The following NYAP2 variants were observed in gnomAD, a reference collection of about 807,000 sequenced individuals.
NYAP2 encodes neuronal tyrosine-phosphorylated phosphoinositide-3-kinase adapter 2.
NYAP2 carries 23 observed loss-of-function variants against 50.4 expected under a neutral mutation model. The observed-to-expected ratio is 0.46, with a 90% CI of 0.33 to 0.65. The LOEUF (loss-of-function observed/expected upper bound fraction) is 0.65, where lower values mean the gene tolerates loss of function less well. Ranked by LOEUF, NYAP2 falls within the 30% of genes least tolerant of loss-of-function variation. NYAP2 has a pLI of 0.02. For missense variants in NYAP2, 885 were observed against 861.0 expected (o/e 1.03, Z -0.35); for synonymous variants, 394 against 365.2 (o/e 1.08, Z -0.90).
At chr2:225,456,984 G>A (rs1328508722) in intron 3 of NYAP2, among the ~76,000 whole-genome samples, 1 of 152,166 alleles carries the variant, frequency 6.6e-6, no homozygotes, top group Non-Finnish European at 1.5e-5. Flanking sequence ...CTTGTTGTTA[G>A]AAGAAAAGTG....
chr2:225,431,960 T>G (rs1217022386), intron 3 of NYAP2, among the ~76,000 whole-genome samples: 6 of 150,388 alleles, frequency 4.0e-5, no homozygotes, highest in South Asian at 2.1e-4. Flanking sequence ...AATGATAGGG[T>G]TTTTTTTGTT....
At chr2:225,548,209 T>A (rs968711567) in intron 4 of NYAP2, among the ~76,000 whole-genome samples, 141 of 151,616 alleles carry the variant, frequency 9.3e-4, no homozygotes, top group African/African-American at 3.1e-3. Flanking sequence ...TTAACATTAT[T>A]TGTGACATTT....
intron 5 of NYAP2, among the ~76,000 whole-genome samples, chr2:225,583,631 C>G (rs1043067629): frequency 7.3e-5 from 11 of 151,346 alleles, no homozygotes; most frequent in African/African-American, 2.2e-4. Flanking sequence ...AAAACAGAGA[C>G]CACTATGGAA....
chr2:225,595,869 G>A (rs1559225238), intron 5 of NYAP2, among the ~76,000 whole-genome samples: 1 of 152,048 alleles, frequency 6.6e-6, no homozygotes, highest in African/African-American at 2.4e-5. Flanking sequence ...CCTCATTCCA[G>A]CCTTAATTTC....
intron 6 of NYAP2, among the ~76,000 whole-genome samples, chr2:225,651,074 C>T (rs183676174): frequency 1.2e-4 from 18 of 152,338 alleles, no homozygotes; most frequent in African/African-American, 2.9e-4. Context: ...AGAAATCCTA[C>T]GGATCAAAGC....
chr2:225,554,079 C>T (rs374723316), intron 4 of NYAP2, among the ~76,000 whole-genome samples: 59 of 152,192 alleles, frequency 3.9e-4, no homozygotes, highest in East Asian at 3.9e-3. Flanking sequence ...TTAGTTAACC[C>T]ATAATGATTT....
chr2:225,595,874 A>G (rs1430940535), intron 5 of NYAP2, among the ~76,000 whole-genome samples: 1 of 152,032 alleles, frequency 6.6e-6, no homozygotes, highest in Non-Finnish European at 1.5e-5. Context: ...TTCCAGCCTT[A>G]ATTTCCCACA....
chr2:225,651,298 A>G, intron 6 of NYAP2, 134 bp from the exon 7 acceptor site: 1 of 1,181,804 alleles, frequency 8.5e-7, no homozygotes, highest in Non-Finnish European at 1.2e-6. Flanking sequence ...ATCACCTGCT[A>G]CTTATTAGCA....
intron 4 of NYAP2, among the ~76,000 whole-genome samples, chr2:225,552,442 C>T (rs1284745764): frequency 6.6e-6 from 1 of 152,170 alleles, no homozygotes; most frequent in African/African-American, 2.4e-5. Context: ...ATGAATTCGT[C>T]ATCCACAATG....
At chr2:225,508,619 G>C (rs979513259) in intron 3 of NYAP2, among the ~76,000 whole-genome samples, 1 of 152,158 alleles carries the variant, frequency 6.6e-6, no homozygotes, top group Non-Finnish European at 1.5e-5. Context: ...TAGAAGGAGA[G>C]GGGGAGGAAA....
intron 3 of NYAP2, among the ~76,000 whole-genome samples, chr2:225,463,215 G>A (rs1194166498): frequency 6.6e-6 from 1 of 152,244 alleles, no homozygotes; most frequent in African/African-American, 2.4e-5. Flanking sequence ...TGTCATAACA[G>A]GGTGAAAACC....
chr2:225,461,516 G>C (rs1689831571), intron 3 of NYAP2, among the ~76,000 whole-genome samples: 1 of 152,186 alleles, frequency 6.6e-6, no homozygotes, highest in Non-Finnish European at 1.5e-5. Context: ...AGATAAACTG[G>C]TCTCTTTCTG....
At chr2:225,466,507 C>T (rs1415120836) in intron 3 of NYAP2, among the ~76,000 whole-genome samples, 6 of 152,176 alleles carry the variant, frequency 3.9e-5, no homozygotes, top group South Asian at 4.1e-4. Flanking sequence ...CTTTGCTCTG[C>T]TCCCCATTGT....
intron 5 of NYAP2, among the ~76,000 whole-genome samples, chr2:225,585,793 T>G (rs111323321): frequency 0.038 from 5,739 of 152,226 alleles, 342 homozygotes; most frequent in African/African-American, 0.13. Flanking sequence ...AATCAAAAGG[T>G]CTCTCAGAAT....
chr2:225,622,705 A>C (rs1254968540), intron 5 of NYAP2, among the ~76,000 whole-genome samples: 1 of 150,942 alleles, frequency 6.6e-6, no homozygotes, highest in Non-Finnish European at 1.5e-5. Context: ...TCAGCCTCCC[A>C]AGTAGCTGGG....
chr2:225,670,058 A>G, the NYAP2 span, among the ~76,000 whole-genome samples: 3 of 152,160 alleles, frequency 2.0e-5, no homozygotes, highest in Admixed American at 1.3e-4. Context: ...TCTGCTCCAA[A>G]CAGAAGTGGT....
chr2:225,442,314 T>C lies in NYAP2; in HGVS notation c.221+33213T>C, dbSNP rs116416103. Among the ~76,000 whole-genome samples the C allele has an allele frequency of 3.8e-3, 580 of 152,318 alleles. 2 individuals carry two copies. Among genetic ancestry groups the C allele is most frequent in the Non-Finnish European group, 6.3e-3 (426 of 68,034 alleles). ...AAAGAGACACTTTCTATTTCAGTAG[T>C]AGTTCTACCACTGTGTAGAAAAGAA... On this transcript the variant is annotated intron_variant, in intron 3 of 6. Coordinates refer to ENST00000636099, the Ensembl canonical transcript of NYAP2.
At chr2:225,698,612 TA>T in the NYAP2 span, 1 of 152,312 alleles carries the variant, frequency 6.6e-6, no homozygotes, top group Non-Finnish European at 1.5e-5. Flanking sequence ...GGTCATATGA[TA>T]ATGAACTGTT....
chr2:225,516,888 C>A (rs1402545569), intron 4 of NYAP2, among the ~76,000 whole-genome samples: 3 of 152,048 alleles, frequency 2.0e-5, no homozygotes, highest in African/African-American at 7.2e-5. Flanking sequence ...CCTGTCTTTT[C>A]TTTTTACATT....
Sources: gnomAD v4.1 joint callset for allele counts (sites outside exome capture counted in the v4.1 genomes callset) on GRCh38, gnomAD v4.1.1 for gene constraint, MANE v1.5 for transcripts, NCBI Gene and HGNC (gene_info 2026-07-23, HGNC 2026-07-21) for gene names.